The following SOX5 variants were observed in gnomAD, a reference collection of about 807,000 sequenced individuals.
SOX5 encodes SRY-box transcription factor 5.
A neutral mutation model predicts 92.0 loss-of-function variants in SOX5; 9 were observed. The ratio of observed to expected loss-of-function variants is 0.10; its 90% CI spans 0.06 to 0.17. The LOEUF (loss-of-function observed/expected upper bound fraction) is 0.17. Among genes scored for constraint, SOX5 ranks in the 10% least tolerant of loss-of-function variants. The pLI is 1.00. For missense variants in SOX5, 642 were observed against 944.5 expected (o/e 0.68, Z 4.20); for synonymous variants, 344 against 336.3 (o/e 1.02, Z -0.25).
At position 24,428,954 on chromosome 12, in the gene SOX5, A is replaced by G. The variant is rs1267925359; in HGVS notation, c.-250-60315T>C. Among the ~76,000 whole-genome samples the G allele has an allele frequency of 2.6e-5, 4 of 152,194 alleles. No individual in the cohort carries two copies. In the South Asian group the frequency reaches 8.3e-4, roughly 32 times the overall value. ...TTGGACAAGTTGTGTGGTCTTGGAC[A>G]AGATAAATAACCTTTCTGTGCCTAT... On this transcript the variant is annotated intron_variant, in intron 1 of 4. Transcript: ENST00000446891.
At chr12:24,546,299 C>T (rs1349405151) in intron 1 of SOX5, among the ~76,000 whole-genome samples, 4 of 152,134 alleles carry the variant, frequency 2.6e-5, no homozygotes, top group Admixed American at 2.6e-4. Flanking sequence ...ACTTCAGGAG[C>T]TAGTTTTCCA....
At chr12:23,748,535 G>A (rs2094075353) in intron 4 of SOX5, among the ~76,000 whole-genome samples, 1 of 151,762 alleles carries the variant, frequency 6.6e-6, no homozygotes, top group Admixed American at 6.6e-5. Context: ...AAACCATTGG[G>A]AACTATTGTC....
At chr12:24,056,999 C>CA (rs970411660) in intron 4 of SOX5, among the ~76,000 whole-genome samples, 15 of 109,072 alleles carry the variant, frequency 1.4e-4, no homozygotes, top group South Asian at 5.8e-4. Flanking sequence ...AAAAATTCAA[C>CA]AAAAAAAAAG....
chr12:24,444,249 A>G (rs1941105727), intron 1 of SOX5, among the ~76,000 whole-genome samples: 1 of 149,526 alleles, frequency 6.7e-6, no homozygotes, highest in Non-Finnish European at 1.5e-5. Flanking sequence ...CTAAGTACTC[A>G]ACACTGTGCC....
rs1283831884 is a variant in SOX5 at position 24,393,691 on chromosome 12, A to C, written c.-250-25052T>G. ...AGTGCTTAATGTAGAAATTATTAAA[A>C]TTTGGCAAAACTTTTCTATTCTTTA... On this transcript the variant is annotated intron_variant, in intron 1 of 4. Transcript: ENST00000446891. The surrounding 1 kb of genome is among the most constrained non-coding windows in gnomAD (Gnocchi z 5.0). 3.3e-5 allele frequency among the ~76,000 whole-genome samples: 5 copies of C among 152,224 alleles called. No individual in the cohort carries two copies. Among genetic ancestry groups the C allele is most frequent in the African/African-American group, 1.2e-4 (5 of 41,460 alleles).
intron 1 of SOX5, among the ~76,000 whole-genome samples, chr12:24,487,918 G>A (rs79255539): frequency 0.017 from 2,656 of 151,986 alleles, 28 homozygotes; most frequent in Middle Eastern, 0.034. Context: ...GATTCAGTAC[G>A]TTTCAAACCC....
At chr12:23,847,623 T>C in intron 2 of SOX5, among the ~76,000 whole-genome samples, 1 of 151,958 alleles carries the variant, frequency 6.6e-6, no homozygotes, top group Non-Finnish European at 1.5e-5. Context: ...CAACAGGCTA[T>C]GTTACAAACA....
chr12:24,401,663 G>C (rs993970414), intron 1 of SOX5, among the ~76,000 whole-genome samples: 7 of 136,582 alleles, frequency 5.1e-5, no homozygotes, highest in African/African-American at 1.9e-4. Flanking sequence ...TGGCACAATT[G>C]AGCCACTTCG....
intron 3 of SOX5, among the ~76,000 whole-genome samples, chr12:24,258,043 G>T (rs1941504342): frequency 6.6e-6 from 1 of 151,974 alleles, no homozygotes. Flanking sequence ...CGCGGTGGCG[G>T]GCACCTGTAG....
intron 3 of SOX5, among the ~76,000 whole-genome samples, chr12:23,830,648 G>T (rs1313473971): frequency 6.6e-6 from 1 of 152,042 alleles, no homozygotes; most frequent in Non-Finnish European, 1.5e-5. Context: ...CATCAAATGC[G>T]ATTTTAAAAC....
chr12:23,541,474 G>A (rs2135988769), intron 13 of SOX5, among the ~76,000 whole-genome samples: 1 of 152,122 alleles, frequency 6.6e-6, no homozygotes, highest in Non-Finnish European at 1.5e-5. Flanking sequence ...CTGGTATGTT[G>A]TTTTTTAAAG....
intron 3 of SOX5, among the ~76,000 whole-genome samples, chr12:24,246,183 T>C (rs965324054): frequency 6.6e-6 from 1 of 152,160 alleles, no homozygotes; most frequent in African/African-American, 2.4e-5. Context: ...TTATAAAATG[T>C]CTTAGTTGTC....
chr12:23,875,882 T>C (rs1407811385), intron 2 of SOX5, among the ~76,000 whole-genome samples: 1 of 152,190 alleles, frequency 6.6e-6, no homozygotes, highest in Admixed American at 6.5e-5. Context: ...AAAGGTAATA[T>C]AGAAAATATT....
intron 4 of SOX5, among the ~76,000 whole-genome samples, chr12:24,011,707 C>T (rs1251388220): frequency 1.3e-5 from 2 of 152,068 alleles, no homozygotes; most frequent in Non-Finnish European, 2.9e-5. Context: ...AGGTTAACGG[C>T]GACCATTCTA....
intron 2 of SOX5, among the ~76,000 whole-genome samples, chr12:24,298,888 A>G (rs1047621961): frequency 1.3e-4 from 20 of 151,792 alleles, no homozygotes; most frequent in African/African-American, 4.3e-4. Flanking sequence ...AAAGTTAACC[A>G]CATAAATCCC....
chr12:23,966,514 T>C (rs1050869913), intron 4 of SOX5, among the ~76,000 whole-genome samples: 4 of 152,314 alleles, frequency 2.6e-5, no homozygotes, highest in East Asian at 3.9e-4. Flanking sequence ...ATTTTATTAA[T>C]TTAATTAGCA....
chr12:24,404,522 C>T (rs1467967445), intron 1 of SOX5, among the ~76,000 whole-genome samples: 1 of 152,198 alleles, frequency 6.6e-6, no homozygotes, highest in Non-Finnish European at 1.5e-5. Flanking sequence ...TGTGATGGCA[C>T]CACCTGATGT....
intron 4 of SOX5, among the ~76,000 whole-genome samples, chr12:24,150,118 G>A (rs945241227): frequency 3.3e-5 from 5 of 152,002 alleles, no homozygotes; most frequent in African/African-American, 1.2e-4. Context: ...TGTATACTTC[G>A]AATATGTGCA....
At chr12:23,723,917 T>C (rs2140644640) in intron 6 of SOX5, among the ~76,000 whole-genome samples, 1 of 152,236 alleles carries the variant, frequency 6.6e-6, no homozygotes, top group East Asian at 1.9e-4. Context: ...ATGATATTTA[T>C]CTATTATAAG....
Sources: gnomAD v4.1 joint callset for allele counts (sites outside exome capture counted in the v4.1 genomes callset) on GRCh38, gnomAD v4.1.1 for gene constraint, Gnocchi (gnomAD v3.1) non-coding constraint, MANE v1.5 for transcripts, NCBI Gene and HGNC (gene_info 2026-07-23, HGNC 2026-07-21) for gene names.